COL4A3: variants seen among roughly 807,000 people sequenced by gnomAD.
COL4A3 encodes the protein collagen alpha-3(IV) chain.
Under a neutral mutation model 217.4 loss-of-function variants are expected in COL4A3, and 135 were observed. The observed-to-expected ratio is 0.62, with a 90% CI of 0.54 to 0.72. The LOEUF is 0.72. COL4A3 is among the 30% of genes least tolerant of loss of function. The pLI, the probability that COL4A3 is intolerant of heterozygous loss-of-function variation, is 0.00. For synonymous variants in COL4A3, 690 were observed against 736.3 expected (o/e 0.94, Z 1.02); for missense variants, 1,868 against 2,119.9 (o/e 0.88, Z 2.33).
chr2:227,226,225 G>A (rs1333181028), intron 1 of COL4A3, among the ~76,000 whole-genome samples: 3 of 152,034 alleles, frequency 2.0e-5, no homozygotes, highest in Non-Finnish European at 1.5e-5. Context: ...TTATTTTATT[G>A]CCCTGTGAAG....
rs79639698 is a variant in COL4A3, at chr2:227,296,429, A to G, written c.3565+1113A>G. On this transcript the variant is annotated intron_variant, in intron 41 of 51. Coordinates refer to ENST00000396578, the MANE Select transcript of COL4A3 (RefSeq NM_000091.5). ...GTCATACCTTAGGTTTAAAAGCCTT[A>G]AAACTAACAAATAGCCTAATTATGT... 9,175 of 857,362 alleles carry G rather than the reference A, an allele frequency of 0.011. 695 individuals are homozygous for G. In the African/African-American group the frequency reaches 0.15, roughly 14 times the overall value. The allele number at this position is 857,362 out of a possible 1,614,324, so 53.1% of individuals were successfully genotyped here. A position where few individuals can be genotyped will look rare whatever the true frequency, so the allele number is the denominator to read the frequency against.
intron 43 of COL4A3, chr2:227,301,922 G>C (rs1469697739): frequency 6.6e-6 from 1 of 152,164 alleles, no homozygotes. Flanking sequence ...TGGTCTTCTT[G>C]CTCCAAAGAT....
intron 1 of COL4A3, among the ~76,000 whole-genome samples, chr2:227,236,265 A>C (rs1468049585): frequency 6.6e-6 from 1 of 152,250 alleles, no homozygotes; most frequent in Non-Finnish European, 1.5e-5. Context: ...GATACCCAGT[A>C]GTTACTTTCC....
chr2:227,222,179 A>AT (rs143247405), intron 1 of COL4A3, among the ~76,000 whole-genome samples: 22 of 133,778 alleles, frequency 1.6e-4, no homozygotes, highest in South Asian at 5.0e-4. Context: ...AATGATAATA[A>AT]AAAGCTCCTT....
At position 227,312,496 on chromosome 2, in the gene COL4A3, C is replaced by G. The variant is rs1348797077; in HGVS notation, c.*626C>G. Reference sequence around the variant, plus strand: ...GATTCCCTGATGGAACCATAATACCCTTGGAAATACTGTATGGTTTTGTTT... The same window carrying G: ...GATTCCCTGATGGAACCATAATACCGTTGGAAATACTGTATGGTTTTGTTT... On this transcript the variant is annotated 3_prime_UTR_variant, in exon 52 of 52. Coordinates refer to ENST00000396578, the MANE Select transcript of COL4A3 (RefSeq NM_000091.5). The G allele has an allele frequency of 6.6e-6, 1 of 152,194 alleles. No homozygotes were observed. The highest frequency in any genetic ancestry group is 6.5e-5 in the Admixed American group (1 of 15,274). 9.4% of individuals were successfully genotyped at this position (152,194 alleles called of 1,614,324 possible).
chr2:227,205,565 ATATT>A lies in COL4A3; in HGVS notation c.88-32399_88-32396del, dbSNP rs1430410539. On this transcript the variant is annotated intron_variant, in intron 1 of 51. Transcript: ENST00000396578. ...CAGACATGTAAGCATTTTCTTGATA[ATATT>A]TATAGCTAAAATTATTATTGATTAA... Among the ~76,000 whole-genome samples, 4 of 151,802 alleles carry A rather than the reference ATATT, an allele frequency of 2.6e-5. No individual in the cohort carries two copies. In the East Asian group the frequency reaches 5.8e-4, roughly 22 times the overall value.
chr2:227,263,183 G>A (rs1460013366), intron 20 of COL4A3, among the ~76,000 whole-genome samples: 4 of 152,244 alleles, frequency 2.6e-5, no homozygotes, highest in African/African-American at 4.8e-5. Flanking sequence ...ATATTACCCC[G>A]GCTGGTTTCT....
At chr2:227,269,845 T>C in intron 23 of COL4A3, 65 bp from the exon 24 acceptor site, 1 of 1,328,076 alleles carries the variant, frequency 7.5e-7, no homozygotes, top group African/African-American at 1.4e-5. Context: ...TCATACATTG[T>C]ATTACCCTGT....
At chr2:227,274,218 C>G (rs553595269) in intron 26 of COL4A3, among the ~76,000 whole-genome samples, 1 of 138,590 alleles carries the variant, frequency 7.2e-6, no homozygotes, top group South Asian at 2.3e-4. Flanking sequence ...GCCTGGGCAA[C>G]AGATTGAGAT....
chr2:227,194,390 G>A (rs1317296192), intron 1 of COL4A3, among the ~76,000 whole-genome samples: 4 of 152,064 alleles, frequency 2.6e-5, no homozygotes, highest in African/African-American at 9.7e-5. Flanking sequence ...GAGGGGCTGT[G>A]AGGGAGGGAC....
chr2:227,256,822 T>C (rs2070209787), intron 17 of COL4A3, among the ~76,000 whole-genome samples: 1 of 152,244 alleles, frequency 6.6e-6, no homozygotes, highest in African/African-American at 2.4e-5. Flanking sequence ...GTTACAAATA[T>C]TTTCAAATCA....
intron 3 of COL4A3, 65 bp downstream of exon 3, chr2:227,240,297 G>C: frequency 6.9e-7 from 1 of 1,447,688 alleles, no homozygotes; most frequent in East Asian, 2.4e-5. Flanking sequence ...CTACCCCCTG[G>C]CTGCTGCAAA....
At chr2:227,225,992 G>A (rs186459452) in intron 1 of COL4A3, among the ~76,000 whole-genome samples, 1 of 152,006 alleles carries the variant, frequency 6.6e-6, no homozygotes, top group Non-Finnish European at 1.5e-5. Flanking sequence ...GATTACAGTC[G>A]TGAGCCACCA....
intron 1 of COL4A3, among the ~76,000 whole-genome samples, chr2:227,209,995 CT>C (rs1243746320): frequency 6.6e-6 from 1 of 152,162 alleles, no homozygotes; most frequent in East Asian, 1.9e-4. Context: ...GCTTTCTTGT[CT>C]GTAAATTGGG....
chr2:227,288,226 A>G (rs2072461403), intron 34 of COL4A3, among the ~76,000 whole-genome samples: 1 of 152,084 alleles, frequency 6.6e-6, no homozygotes, highest in Non-Finnish European at 1.5e-5. Context: ...CCTCCCAAGT[A>G]GCTGGGATTA....
At chr2:227,299,972 CT>C (rs1322988859) in intron 43 of COL4A3, among the ~76,000 whole-genome samples, 1 of 152,198 alleles carries the variant, frequency 6.6e-6, no homozygotes, top group East Asian at 1.9e-4. Flanking sequence ...TATTTATTTT[CT>C]GCCCCCCAAA....
chr2:227,254,243 T>C, intron 14 of COL4A3, 69 bp downstream of exon 14: 1 of 1,399,526 alleles, frequency 7.1e-7, no homozygotes, highest in South Asian at 1.2e-5. Flanking sequence ...CTTTGATGTG[T>C]GTTTTGTCTT....
chr2:227,264,075 G>A (rs542305676), intron 21 of COL4A3, 131 bp downstream of exon 21: 2 of 999,156 alleles, frequency 2.0e-6, no homozygotes, highest in African/African-American at 3.2e-5. Context: ...CTTTCCAATG[G>A]TCTTCATTTC....
intron 1 of COL4A3, among the ~76,000 whole-genome samples, chr2:227,233,749 G>A (rs2068535705): frequency 6.6e-6 from 1 of 152,164 alleles, no homozygotes; most frequent in Admixed American, 6.6e-5. Flanking sequence ...GGTGGTGATG[G>A]GAAAGCAGAC....
Sources: allele counts gnomAD v4.1 joint callset (sites outside exome capture counted in the v4.1 genomes callset), GRCh38; gene constraint gnomAD v4.1.1; transcripts MANE v1.5; gene names NCBI Gene and HGNC (gene_info 2026-07-23, HGNC 2026-07-21).